USB1: variants seen among roughly 807,000 people sequenced by gnomAD.
USB1 encodes U6 snRNA phosphodiesterase 1.
In USB1, 21 loss-of-function variants were observed where a neutral mutation model predicts 29.9. The observed-to-expected ratio is 0.70, with a 90% CI of 0.50 to 1.01. The LOEUF (loss-of-function observed/expected upper bound fraction) is 1.01, where lower values mean the gene tolerates loss of function less well. Ranked by LOEUF, USB1 falls within the 50% of genes least tolerant of loss-of-function variation. USB1 has a pLI of 0.00. For missense variants in USB1, 330 were observed against 347.1 expected, an observed-to-expected ratio of 0.95 and a Z score of 0.39; for synonymous variants, 143 against 134.9, an observed-to-expected ratio of 1.06 and a Z score of -0.42.
Position 58,018,996 on chromosome 16 carries a change from G to A in USB1, c.634G>A (p.Ala212Thr), listed in dbSNP as rs1051812206. Reference protein sequence around the residue: ...YQDPSFHLSLAWCVGDARLQL... With the variant: ...YQDPSFHLSLTWCVGDARLQL... ...GGATCCTTCTTTCCACCTCAGCCTG[G>A]CCTGGTGTGTGGGTGATGCACGTCT... Residue 212 changes from alanine to threonine, a missense_variant, in exon 6 of 7, where the codon GCC becomes ACC. Transcript: ENST00000219281. 7 of 1,614,058 alleles carry A rather than the reference G, an allele frequency of 4.3e-6. No individual in the cohort carries two copies. Among genetic ancestry groups the A allele is most frequent in the Non-Finnish European group, 5.9e-6 (7 of 1,180,034 alleles).
At chr16:58,003,700 TTTAATCATTTTTGTTTATTAATA>T (rs1327164056) in intron 2 of USB1, among the ~76,000 whole-genome samples, 2 of 152,224 alleles carry the variant, frequency 1.3e-5, no homozygotes, top group Admixed American at 6.5e-5. Flanking sequence ...TTGCCCACTT[TTTAATCATTTTTGTTTATTAATA>T]TTAATCATTT....
chr16:58,009,883 A>G, intron 2 of USB1, 46 bp from the exon 3 acceptor site: 1 of 1,610,594 alleles, frequency 6.2e-7, no homozygotes, highest in Non-Finnish European at 8.5e-7. Context: ...CAGCCATGGC[A>G]CCTTGGCTGA....
At chr16:58,011,904 T>C in intron 3 of USB1, 2 of 1,006,814 alleles carry the variant, frequency 2.0e-6, no homozygotes, top group Non-Finnish European at 2.4e-6. Flanking sequence ...CTAGAGAATA[T>C]CTTTCTGGAT....
chr16:58,001,607 A>T (rs763219601), intron 1 of USB1, 26 bp downstream of exon 1: 6 of 1,584,038 alleles, frequency 3.8e-6, no homozygotes, highest in Non-Finnish European at 5.1e-6. Context: ...GTCTCTCCGG[A>T]GGGCGCGCGC....
Position 58,020,447 on chromosome 16 carries a change from CTT to C in USB1, c.*203_*204del, listed in dbSNP as rs1963710086. On this transcript the variant is annotated 3_prime_UTR_variant, in exon 7 of 7. Transcript: ENST00000219281. ...CTTTCTCTTCCTCTTCTTTCTCTCT[CTT>C]CTCCTCTCTTTCTCTCCTCTGTCTC... 1.3e-5 allele frequency: 8 copies of C among 619,296 alleles called. No individual in the cohort carries two copies. The East Asian group carries it at 1.4e-4, about 11-fold the overall frequency. 38.4% of individuals were successfully genotyped at this position (619,296 alleles called of 1,614,324 possible). A position where few individuals can be genotyped will look rare whatever the true frequency, so the allele number is the denominator to read the frequency against.
intron 2 of USB1, among the ~76,000 whole-genome samples, chr16:58,004,029 A>G (rs1157127007): frequency 6.6e-6 from 1 of 152,226 alleles, no homozygotes; most frequent in Non-Finnish European, 1.5e-5. Flanking sequence ...ACCAAACCCA[A>G]GATCATCTAC....
chr16:58,000,682 G>A (rs1963159137), upstream of USB1, among the ~76,000 whole-genome samples: 1 of 149,678 alleles, frequency 6.7e-6, no homozygotes, highest in African/African-American at 2.4e-5. This position sits in a 1 kb window ranked among gnomAD's most constrained non-coding sequence, Gnocchi z 4.5. Context: ...CGGACGGGCG[G>A]GCGGCGCGGG....
At chr16:58,000,802 CG>C (rs1020028500), upstream of USB1, among the ~76,000 whole-genome samples, 1 of 151,968 alleles carries the variant, frequency 6.6e-6, no homozygotes, top group African/African-American at 2.4e-5. This position sits in a 1 kb window ranked among gnomAD's most constrained non-coding sequence, Gnocchi z 4.5. Flanking sequence ...ACCCCGTGGC[CG>C]GGCCAGGTCG....
intron 4 of USB1, chr16:58,017,022 T>G: frequency 5.1e-6 from 2 of 395,776 alleles, no homozygotes; most frequent in Non-Finnish European, 9.6e-6. Context: ...GGAATGATGA[T>G]GGAGAATGGG....
chr16:58,003,320 G>A (rs964117492), intron 2 of USB1, among the ~76,000 whole-genome samples: 3 of 152,188 alleles, frequency 2.0e-5, no homozygotes, highest in African/African-American at 7.2e-5. Context: ...CCCACTACTT[G>A]AGAGGCTGAG....
At chr16:58,019,993 T>C in intron 6 of USB1, 148 bp from the exon 7 acceptor site, 1 of 739,280 alleles carries the variant, frequency 1.4e-6, no homozygotes, top group Non-Finnish European at 2.4e-6. Context: ...ACAGAAGTGA[T>C]CAGACAAGAT....
chr16:58,003,560 A>G (rs1043353973), intron 2 of USB1, among the ~76,000 whole-genome samples: 1 of 152,216 alleles, frequency 6.6e-6, no homozygotes, highest in African/African-American at 2.4e-5. Context: ...AGCCATTCTA[A>G]TAGGTGTGTA....
intron 4 of USB1, 93 bp downstream of exon 4, chr16:58,014,419 TG>T: frequency 1.7e-6 from 2 of 1,183,750 alleles, no homozygotes; most frequent in South Asian, 2.5e-5. Context: ...TCCCATTTTT[TG>T]TTTGCTTTTA....
At chr16:58,014,846 G>A (rs1026207569) in intron 4 of USB1, among the ~76,000 whole-genome samples, 4 of 152,092 alleles carry the variant, frequency 2.6e-5, no homozygotes, top group African/African-American at 9.7e-5. Flanking sequence ...AGAGGCCAAG[G>A]TGGGCAGATC....
intron 5 of USB1, 60 bp from the exon 6 acceptor site, chr16:58,018,912 G>T (rs979743710): frequency 6.4e-7 from 1 of 1,552,826 alleles, no homozygotes; most frequent in Non-Finnish European, 8.9e-7. Flanking sequence ...CAGACCTGCT[G>T]TGAGGGCAGG....
chr16:58,001,148 C>G (rs1567415210), upstream of USB1, among the ~76,000 whole-genome samples: 1 of 152,126 alleles, frequency 6.6e-6, no homozygotes, highest in African/African-American at 2.4e-5. Context: ...ACTGTCGTGT[C>G]TGGTATGTCT....
intron 2 of USB1, among the ~76,000 whole-genome samples, chr16:58,003,934 A>G (rs1963293694): frequency 6.6e-6 from 1 of 152,168 alleles, no homozygotes; most frequent in South Asian, 2.1e-4. Context: ...TTCACAGAGC[A>G]GAAGTTTTTA....
chr16:58,006,738 C>T (rs1314458415), intron 2 of USB1, among the ~76,000 whole-genome samples: 2 of 152,072 alleles, frequency 1.3e-5, no homozygotes, highest in Non-Finnish European at 2.9e-5. Flanking sequence ...TGCCTTATTG[C>T]ATTAGCTAGG....
chr16:58,015,579 C>G (rs1395140008), intron 4 of USB1: 2 of 152,090 alleles, frequency 1.3e-5, no homozygotes, highest in African/African-American at 4.8e-5. Flanking sequence ...GTAGACACAG[C>G]CCCTGCTCTT....
Sources: allele counts gnomAD v4.1 joint callset (sites outside exome capture counted in the v4.1 genomes callset), GRCh38; gene constraint gnomAD v4.1.1; non-coding constraint Gnocchi (gnomAD v3.1); transcripts MANE v1.5; gene names NCBI Gene and HGNC (gene_info 2026-07-23, HGNC 2026-07-21).